The following NPHS2 variants were observed in gnomAD, a reference collection of about 807,000 sequenced individuals.
NPHS2 encodes podocin.
A neutral mutation model predicts 37.1 loss-of-function variants in NPHS2; 36 were observed. The ratio of observed to expected loss-of-function variants is 0.97; its 90% CI spans 0.74 to 1.28. NPHS2 has a LOEUF of 1.28. Ranked by LOEUF, NPHS2 falls within the 50% of genes most tolerant of loss-of-function variation. The probability of loss-of-function intolerance (pLI) is 0.00; values close to 1 mark genes in which losing one functional copy is unlikely to be tolerated. For synonymous variants in NPHS2, 196 were observed against 189.3 expected, an observed-to-expected ratio of 1.04 and a Z score of -0.29; for missense variants, 447 against 488.1, an observed-to-expected ratio of 0.92 and a Z score of 0.79.
At chr1:179,572,690 G>A (rs1010215313) in intron 1 of NPHS2, among the ~76,000 whole-genome samples, 7 of 152,160 alleles carry the variant, frequency 4.6e-5, no homozygotes, top group Non-Finnish European at 1.0e-4. Flanking sequence ...TAAAAAGATC[G>A]TAGAGGACTA....
chr1:179,553,674 AAT>A (rs1266107777), intron 6 of NPHS2, among the ~76,000 whole-genome samples: 6 of 152,230 alleles, frequency 3.9e-5, no homozygotes, highest in Non-Finnish European at 8.8e-5. Flanking sequence ...GAAATTAGAT[AAT>A]AGTAATGGAT....
chr1:179,570,149 G>GT (rs1674498393), intron 1 of NPHS2, among the ~76,000 whole-genome samples: 1 of 152,084 alleles, frequency 6.6e-6, no homozygotes, highest in African/African-American at 2.4e-5. Context: ...TTGCAACTTG[G>GT]TCCATTCTCC....
chr1:179,554,733 G>A lies in NPHS2; in HGVS notation c.739-202C>T, dbSNP rs910055219. The A allele has an allele frequency of 7.4e-6, 5 of 678,076 alleles. No individual in the cohort carries two copies. In the Admixed American group the frequency reaches 9.5e-5, roughly 13 times the overall value. 42.0% of individuals were successfully genotyped at this position (678,076 alleles called of 1,614,324 possible). A position where few individuals can be genotyped will look rare whatever the true frequency, so the allele number is the denominator to read the frequency against. On this transcript the variant is annotated intron_variant, in intron 5 of 7. Transcript: ENST00000367615. ...CCACCCAATAAATATCTGTGCAATT[G>A]AAGATGGTGTGGTATGCTGAATAAT...
chr1:179,568,527 G>C (rs897914457), intron 1 of NPHS2, among the ~76,000 whole-genome samples: 1 of 151,912 alleles, frequency 6.6e-6, no homozygotes, highest in Non-Finnish European at 1.5e-5. Context: ...TTTTTTAAAG[G>C]GTTTTTTTCT....
In NPHS2 at chr1:179,575,819, C is replaced by T; in HGVS notation, c.46G>A (p.Gly16Ser). The T allele has an allele frequency of 4.8e-6, 7 of 1,460,006 alleles. No homozygotes were observed. The highest frequency in any genetic ancestry group is 2.7e-5 in the East Asian group (1 of 37,622). 90.4% of individuals were successfully genotyped at this position (1,460,006 alleles called of 1,614,324 possible). Residue 16 changes from glycine to serine, a missense_variant, in exon 1 of 8, where the codon GGC (glycine) becomes AGC (serine). Physicochemically the swap from Gly to Ser is moderately conservative, Grantham distance 56. Coordinates refer to ENST00000367615, the MANE Select transcript of NPHS2 (RefSeq NM_014625.4). ...TTCTCCTTGTGCGGAGTCCTGCCGC[C>T]TCGCCCGCGGGACTCCCTGGAGGAG... ...RSSSRESRGR[G>S]GRTPHKENKR... is the part of the protein sequence containing the mutation.
At chr1:179,564,883 G>A (rs1203923013) in intron 1 of NPHS2, 90 bp from the exon 2 acceptor site, 1 of 1,043,174 alleles carries the variant, frequency 9.6e-7, no homozygotes, top group African/African-American at 1.6e-5. Context: ...TGGTATTGGA[G>A]TTGGCACAAC....
chr1:179,561,472 G>A, intron 2 of NPHS2, 111 bp from the exon 3 acceptor site: 1 of 787,912 alleles, frequency 1.3e-6, no homozygotes, highest in Non-Finnish European at 2.2e-6. Flanking sequence ...TGAGAACCAG[G>A]AAAAAATTTC....
chr1:179,555,757 G>A (rs1263501653), intron 5 of NPHS2, among the ~76,000 whole-genome samples: 1 of 152,186 alleles, frequency 6.6e-6, no homozygotes, highest in Non-Finnish European at 1.5e-5. Context: ...GTAGGTTGGA[G>A]TATTAGATTC....
intron 1 of NPHS2, among the ~76,000 whole-genome samples, chr1:179,570,665 A>G (rs1336702765): frequency 1.3e-5 from 2 of 152,208 alleles, no homozygotes; most frequent in African/African-American, 4.8e-5. Context: ...GGGCCAGTTT[A>G]TGGCCAGATT....
chr1:179,573,583 C>A (rs1395191307), intron 1 of NPHS2, among the ~76,000 whole-genome samples: 1 of 152,184 alleles, frequency 6.6e-6, no homozygotes, highest in African/African-American at 2.4e-5. Context: ...GGAAATGCTG[C>A]TCTACCAACA....
intron 7 of NPHS2, 119 bp from the exon 8 acceptor site, chr1:179,551,570 G>A (rs1673289758): frequency 5.3e-6 from 6 of 1,130,768 alleles, no homozygotes; most frequent in Non-Finnish European, 6.5e-6. Flanking sequence ...GCACGGTTAA[G>A]CATAGAACAT....
At chr1:179,562,768 A>G (rs539693845) in intron 2 of NPHS2, among the ~76,000 whole-genome samples, 7 of 152,324 alleles carry the variant, frequency 4.6e-5, no homozygotes, top group Non-Finnish European at 1.0e-4. Context: ...GAGCATGCCA[A>G]GCAATTCCCA....
chr1:179,572,160 G>C (rs1033599192), intron 1 of NPHS2, among the ~76,000 whole-genome samples: 5 of 152,146 alleles, frequency 3.3e-5, no homozygotes, highest in African/African-American at 1.2e-4. Flanking sequence ...GATCATGCTG[G>C]GCGCTGTAGA....
Position 179,560,698 on chromosome 1 carries a change from C to T in NPHS2, c.451+591G>A, listed in dbSNP as rs117583855. On this transcript the variant is annotated intron_variant, in intron 3 of 7. Coordinates refer to ENST00000367615, the MANE Select transcript of NPHS2 (RefSeq NM_014625.4). ...GCTGACTTAGATCTCCAAACCCCCA[C>T]TACTAAACCTTTCAGACTGACCATA... 9.1e-3 allele frequency among the ~76,000 whole-genome samples: 1,382 copies of T among 152,248 alleles called. 45 individuals are homozygous for T. Among genetic ancestry groups the T allele is most frequent in the East Asian group, 0.062 (319 of 5,180 alleles).
Position 179,564,688 on chromosome 1 carries a change from A to C in NPHS2, c.378+2T>G, listed in dbSNP as rs1572286044. Reference sequence around the variant, plus strand: ...ACCTATTGGGTCCTTATGGAATCTCACCTTTACGCAGAACCAGATGGAAAA... The same window carrying C: ...ACCTATTGGGTCCTTATGGAATCTCCCCTTTACGCAGAACCAGATGGAAAA... On this transcript the variant is annotated splice_donor_variant, in intron 2 of 7. Coordinates refer to ENST00000367615, the MANE Select transcript of NPHS2 (RefSeq NM_014625.4). LOFTEE classifies it high-confidence loss of function. The C allele has an allele frequency of 1.9e-6, 3 of 1,613,136 alleles. No individual in the cohort carries two copies. Among genetic ancestry groups the C allele is most frequent in the Non-Finnish European group, 2.5e-6 (3 of 1,179,208 alleles).
intron 1 of NPHS2, among the ~76,000 whole-genome samples, chr1:179,574,122 A>T (rs991944418): frequency 6.6e-6 from 1 of 152,118 alleles, no homozygotes; most frequent in Non-Finnish European, 1.5e-5. Context: ...CCTTAGTGGG[A>T]CTGCTCGCCC....
chr1:179,562,181 G>C (rs1473485885), intron 2 of NPHS2, among the ~76,000 whole-genome samples: 1 of 152,182 alleles, frequency 6.6e-6, no homozygotes, highest in Non-Finnish European at 1.5e-5. Context: ...AAAATGTGCA[G>C]AGATACTTTT....
chr1:179,554,756 A>T, intron 5 of NPHS2: 1 of 613,120 alleles, frequency 1.6e-6, no homozygotes, highest in Non-Finnish European at 2.9e-6. Flanking sequence ...TATGCTGAAT[A>T]ATGGTCCCCA....
chr1:179,559,782 G>A lies in NPHS2; in HGVS notation c.452-21C>T, dbSNP rs12401708. The A allele has an allele frequency of 0.25, 380,251 of 1,505,300 alleles. 50,838 individuals are homozygous for A. The highest frequency in any genetic ancestry group is 0.27 in the Non-Finnish European group (299,110 of 1,100,078). 93.2% of individuals were successfully genotyped at this position (1,505,300 alleles called of 1,614,324 possible). A position where few individuals can be genotyped will look rare whatever the true frequency, so the allele number is the denominator to read the frequency against. ...AAGACCTAAAAGAGAGGAGGAGGAA[G>A]TGACAGATAAATAGCTAGCATGAAG... On this transcript the variant is annotated intron_variant, in intron 3 of 7. Transcript: ENST00000367615.
Sources: gnomAD v4.1 joint callset for allele counts (sites outside exome capture counted in the v4.1 genomes callset) on GRCh38, gnomAD v4.1.1 for gene constraint, MANE v1.5 for transcripts, NCBI Gene and HGNC (gene_info 2026-07-23, HGNC 2026-07-21) for gene names.